NPFFR2: variants seen among roughly 807,000 people sequenced by gnomAD.
NPFFR2 encodes neuropeptide FF receptor 2, also known as G-protein coupled receptor 74.
Under a neutral mutation model 13.1 loss-of-function variants are expected in NPFFR2, and 15 were observed. The observed-to-expected ratio is 1.15, with a 90% CI of 0.77 to 1.76. The LOEUF is 1.76. NPFFR2 is among the 40% of genes most tolerant of loss of function. NPFFR2 has a pLI of 0.00. For synonymous variants in NPFFR2, 190 were observed against 175.7 expected (o/e 1.08, Z -0.65); for missense variants, 572 against 503.5 (o/e 1.14, Z -1.30).
At chr4:72,119,630 G>T (rs1346301136) in intron 1 of NPFFR2, among the ~76,000 whole-genome samples, 1 of 152,282 alleles carries the variant, frequency 6.6e-6, no homozygotes, top group South Asian at 2.1e-4. Flanking sequence ...CACGGAGGGT[G>T]AGCTGAAGCA....
intron 1 of NPFFR2, among the ~76,000 whole-genome samples, chr4:72,125,011 G>T (rs2109831071): frequency 6.6e-6 from 1 of 152,214 alleles, no homozygotes; most frequent in Admixed American, 6.5e-5. Context: ...GAAAATTTTT[G>T]CAATCTATCC....
chr4:72,116,333 T>C (rs1362698384), intron 1 of NPFFR2, among the ~76,000 whole-genome samples: 1 of 152,070 alleles, frequency 6.6e-6, no homozygotes, highest in African/African-American at 2.4e-5. Context: ...TTCATAATTT[T>C]ATCATAGTAA....
At chr4:72,110,121 C>T (rs1269494300) in intron 1 of NPFFR2, among the ~76,000 whole-genome samples, 3 of 151,896 alleles carry the variant, frequency 2.0e-5, no homozygotes, top group African/African-American at 7.3e-5. Context: ...ATGGGAGGTG[C>T]CCAGTGGGAG....
rs1203423965 is a variant in NPFFR2 at position 72,080,696 on chromosome 4, C to G, written c.-7-47889C>G. 2.0e-5 allele frequency among the ~76,000 whole-genome samples: 3 copies of G among 152,054 alleles called. No individual in the cohort carries two copies. In the East Asian group the frequency reaches 5.8e-4, roughly 29 times the overall value. The stretch of plus-strand genomic sequence containing the variant: ...TGTATTGAACTAGGAGCTATGTTCT[C>G]CATAATCTCCTTAATCTGTATACTT... On this transcript the variant is annotated intron_variant, in intron 1 of 3. Coordinates refer to ENST00000308744, the MANE Select transcript of NPFFR2 (RefSeq NM_004885.3).
intron 1 of NPFFR2, among the ~76,000 whole-genome samples, chr4:72,112,386 G>A (rs1721588512): frequency 6.6e-6 from 1 of 151,866 alleles, no homozygotes; most frequent in East Asian, 1.9e-4. Flanking sequence ...ACTAAGTTGA[G>A]GGGATTCTTA....
chr4:72,121,787 C>T (rs1721889126), intron 1 of NPFFR2, among the ~76,000 whole-genome samples: 1 of 152,168 alleles, frequency 6.6e-6, no homozygotes, highest in African/African-American at 2.4e-5. Flanking sequence ...GTACCAGCCA[C>T]TGCAAAAACA....
rs191821492 is a variant in NPFFR2 at position 72,148,103 on chromosome 4, G to A, written c.*291G>A. ...TCCAAACTTAACCATTTGTGTATGC[G>A]TCAAATCAAGCCTGCACGCGTGCGT... is the stretch of plus-strand genomic sequence containing the variant. On this transcript the variant is annotated 3_prime_UTR_variant, in exon 4 of 4. Transcript: ENST00000308744. The A allele has an allele frequency of 6.4e-5, 18 of 281,072 alleles. No homozygotes were observed. Among genetic ancestry groups the A allele is most frequent in the Non-Finnish European group, 8.6e-5 (13 of 151,860 alleles). The allele number at this position is 281,072 out of a possible 1,614,324, so 17.4% of individuals were successfully genotyped here. A position where few individuals can be genotyped will look rare whatever the true frequency, so the allele number is the denominator to read the frequency against.
intron 1 of NPFFR2, among the ~76,000 whole-genome samples, chr4:72,071,360 G>A (rs905054511): frequency 1.3e-5 from 2 of 152,156 alleles, no homozygotes; most frequent in Non-Finnish European, 2.9e-5. Context: ...TGAGTATTAA[G>A]TGAGATTTTG....
chr4:72,053,570 TA>T (rs999790677), intron 1 of NPFFR2, among the ~76,000 whole-genome samples: 1 of 151,932 alleles, frequency 6.6e-6, no homozygotes, highest in East Asian at 1.9e-4. Flanking sequence ...TCAAGTACTT[TA>T]AAAAAATTTC....
chr4:72,073,875 T>C (rs1317259616), intron 1 of NPFFR2, among the ~76,000 whole-genome samples: 1 of 151,642 alleles, frequency 6.6e-6, no homozygotes, highest in East Asian at 1.9e-4. Flanking sequence ...AACTAAAGAG[T>C]ATACTCTAAA....
Position 72,138,091 on chromosome 4 carries a change from T to C in NPFFR2, c.380T>C (p.Ile127Thr). 1 of 1,613,820 alleles carries C rather than the reference T, an allele frequency of 6.2e-7. No individual in the cohort carries two copies. Among genetic ancestry groups the C allele is most frequent in the Non-Finnish European group, 8.5e-7 (1 of 1,179,814 alleles). ...MCKISGLVQG[I>T]SVAASVFTLV... is the part of the protein sequence containing the mutation. ...AAGATCAGTGGATTGGTCCAGGGAA[T>C]ATCTGTCGCAGCTTCAGTCTTTACG... Residue 127 changes from isoleucine to threonine, a missense_variant, in exon 3 of 4, where the codon ATA becomes ACA. By Grantham distance (89) the Ile-to-Thr change is moderately conservative. Transcript: ENST00000308744.
chr4:72,042,191 T>C (rs1263892327), intron 1 of NPFFR2, among the ~76,000 whole-genome samples: 1 of 152,154 alleles, frequency 6.6e-6, no homozygotes, highest in African/African-American at 2.4e-5. Context: ...TAAGGGGCTT[T>C]TCCCCCTTTT....
chr4:72,133,475 T>A (rs914057453), intron 2 of NPFFR2, among the ~76,000 whole-genome samples: 1 of 152,214 alleles, frequency 6.6e-6, no homozygotes, highest in African/African-American at 2.4e-5. Flanking sequence ...TACTTAGGAT[T>A]GCTTTAGCTA....
intron 1 of NPFFR2, among the ~76,000 whole-genome samples, chr4:72,091,178 G>A (rs1304554881): frequency 6.6e-6 from 1 of 152,112 alleles, no homozygotes; most frequent in Admixed American, 6.5e-5. Flanking sequence ...TCCCTGGTCT[G>A]AAACCCACTT....
At chr4:72,035,563 T>A (rs1055739083) in intron 1 of NPFFR2, among the ~76,000 whole-genome samples, 1 of 152,188 alleles carries the variant, frequency 6.6e-6, no homozygotes, top group African/African-American at 2.4e-5. Context: ...CACACATGAC[T>A]GACAAGACAT....
intron 3 of NPFFR2, among the ~76,000 whole-genome samples, chr4:72,142,046 T>A (rs543533757): frequency 2.7e-4 from 41 of 152,302 alleles, no homozygotes; most frequent in Non-Finnish European, 4.4e-4. Flanking sequence ...TCTTTGTCAG[T>A]TTAACGTCTG....
chr4:72,103,066 A>C (rs948967357), intron 1 of NPFFR2, among the ~76,000 whole-genome samples: 3 of 152,094 alleles, frequency 2.0e-5, no homozygotes, highest in Non-Finnish European at 4.4e-5. Flanking sequence ...TTGCCATTCT[A>C]ACTGGTGTGA....
At chr4:72,050,268 C>T (rs1719504157) in intron 1 of NPFFR2, among the ~76,000 whole-genome samples, 3 of 151,924 alleles carry the variant, frequency 2.0e-5, no homozygotes, top group South Asian at 2.1e-4. Flanking sequence ...TGACATTAAC[C>T]AGAAGACAGG....
chr4:72,117,737 T>C (rs1721753781), intron 1 of NPFFR2, among the ~76,000 whole-genome samples: 1 of 152,236 alleles, frequency 6.6e-6, no homozygotes, highest in South Asian at 2.1e-4. Context: ...CCTGATGGAA[T>C]GTCCATGTGA....
Sources: allele counts gnomAD v4.1 joint callset (sites outside exome capture counted in the v4.1 genomes callset), GRCh38; gene constraint gnomAD v4.1.1; transcripts MANE v1.5; gene names NCBI Gene and HGNC (gene_info 2026-07-23, HGNC 2026-07-21).